AEBP2: variants seen among roughly 807,000 people sequenced by gnomAD.
AEBP2 encodes AE binding protein 2, also known as zinc finger protein AEBP2.
In AEBP2, 10 loss-of-function variants were observed where a neutral mutation model predicts 50.8. The observed-to-expected ratio is 0.20, with a 90% CI of 0.12 to 0.33. AEBP2 has a LOEUF of 0.33. Ranked by LOEUF, AEBP2 falls within the 10% of genes least tolerant of loss-of-function variation. The pLI, the probability that AEBP2 is intolerant of heterozygous loss-of-function variation, is 1.00. For missense variants in AEBP2, 570 were observed against 688.0 expected, an observed-to-expected ratio of 0.83 and a Z score of 1.92; for synonymous variants, 296 against 261.3, an observed-to-expected ratio of 1.13 and a Z score of -1.28.
intron 4 of AEBP2, among the ~76,000 whole-genome samples, chr12:19,497,337 T>TTTTTTTG: frequency 7.1e-6 from 1 of 141,784 alleles, no homozygotes; most frequent in South Asian, 2.3e-4. Context: ...TGTTTTTTTT[T>TTTTTTTG]TTTTTTTTTT....
intron 1 of AEBP2, among the ~76,000 whole-genome samples, chr12:19,452,951 G>A (rs1220823354): frequency 2.1e-5 from 3 of 146,022 alleles, no homozygotes; most frequent in African/African-American, 7.5e-5. Flanking sequence ...AACTATTATA[G>A]ACTTACGTTC....
chr12:19,460,768 C>T (rs1948361581), intron 1 of AEBP2, among the ~76,000 whole-genome samples: 1 of 151,006 alleles, frequency 6.6e-6, no homozygotes, highest in Admixed American at 6.6e-5. Flanking sequence ...CATTCTCCTG[C>T]CTCAGTCTCC....
At chr12:19,501,055 C>G (rs1365135026) in intron 5 of AEBP2, among the ~76,000 whole-genome samples, 1 of 152,114 alleles carries the variant, frequency 6.6e-6, no homozygotes, top group Non-Finnish European at 1.5e-5. Context: ...ACAGGCCGGG[C>G]GTGGTGGCTC....
chr12:19,440,683 G>C, intron 1 of AEBP2: 1 of 1,533,194 alleles, frequency 6.5e-7, no homozygotes, highest in Non-Finnish European at 8.7e-7. Context: ...CAGATCCTCT[G>C]GCGGAGCAGA....
chr12:19,461,097 C>T (rs777355748), intron 1 of AEBP2, among the ~76,000 whole-genome samples: 1 of 152,076 alleles, frequency 6.6e-6, no homozygotes, highest in Non-Finnish European at 1.5e-5. Flanking sequence ...TATTTTGTGT[C>T]TTTGAACTTT....
intron 6 of AEBP2, among the ~76,000 whole-genome samples, chr12:19,512,873 G>A (rs1310443001): frequency 3.3e-5 from 5 of 152,010 alleles, no homozygotes; most frequent in African/African-American, 4.8e-5. Flanking sequence ...ACTTGAACCC[G>A]GGAGGCAAAG....
In AEBP2 at chr12:19,465,797, T is replaced by C. The variant is rs561014044; in HGVS notation, c.879+3080T>C. Among the ~76,000 whole-genome samples, 103 of 149,200 alleles carry C rather than the reference T, an allele frequency of 6.9e-4. No homozygotes were observed. In the South Asian group the frequency reaches 0.015, roughly 22 times the overall value. ...GCTTTTGTGATTGTTTTTTCTTTTT[T>C]TTTTTTTTTTTTGAGATGGAGTGTT... On this transcript the variant is annotated intron_variant, in intron 2 of 7. Transcript: ENST00000266508.
At chr12:19,442,181 G>A (rs1947974080) in intron 1 of AEBP2, among the ~76,000 whole-genome samples, 1 of 152,162 alleles carries the variant, frequency 6.6e-6, no homozygotes. Flanking sequence ...GGCCGAGGTG[G>A]GCGGATCACC....
At chr12:19,457,879 T>C (rs1698005901) in intron 1 of AEBP2, among the ~76,000 whole-genome samples, 1 of 152,208 alleles carries the variant, frequency 6.6e-6, no homozygotes, top group South Asian at 2.1e-4. Context: ...TTGATTTGTA[T>C]ACACATGAAA....
At chr12:19,422,994 G>A (rs2095746589) in intron 1 of AEBP2, among the ~76,000 whole-genome samples, 1 of 135,906 alleles carries the variant, frequency 7.4e-6, no homozygotes, top group Admixed American at 8.3e-5. Flanking sequence ...GAACCCGGAA[G>A]GCAGAGGTTG....
chr12:19,461,661 C>T (rs1343800971), intron 1 of AEBP2, among the ~76,000 whole-genome samples: 1 of 152,042 alleles, frequency 6.6e-6, no homozygotes, highest in Non-Finnish European at 1.5e-5. Context: ...AGGCACCTGC[C>T]ACCACACCCG....
rs1947903036 is a variant in AEBP2 at position 19,439,629 on chromosome 12, G to T, written c.-71G>T. 3 of 1,485,692 alleles carry T rather than the reference G, an allele frequency of 2.0e-6. No homozygotes were observed. Among genetic ancestry groups the T allele is most frequent in the Non-Finnish European group, 2.7e-6 (3 of 1,121,030 alleles). 92.0% of individuals were successfully genotyped at this position (1,485,692 alleles called of 1,614,324 possible). A position where few individuals can be genotyped will look rare whatever the true frequency, so the allele number is the denominator to read the frequency against. ...GGAGTTTTGGGCGTTTGGGAGGGGG[G>T]CGAGGGAGAGAGAGTCGAGAGAGGG... On this transcript the variant is annotated 5_prime_UTR_variant, in exon 1 of 8. Transcript: ENST00000266508.
In AEBP2 at chr12:19,439,913, G is replaced by A; in HGVS notation, c.214G>A (p.Gly72Arg). Residue 72 changes from glycine (G) to arginine (R), a missense_variant, in exon 1 of 8, where the codon GGA (glycine) becomes AGA (arginine). Transcript: ENST00000266508. Reference sequence around the variant, plus strand: ...CGGTGGGGGCGGCGGAGGCGGCGGCGGAGGAGTGGGGGGCGGCGAGGCAGA... The same window carrying A: ...CGGTGGGGGCGGCGGAGGCGGCGGCAGAGGAGTGGGGGGCGGCGAGGCAGA... ...GSGGGGGGGG[G>R]GVGGGEAETM... The A allele has an allele frequency of 6.7e-7, 1 of 1,495,666 alleles. No homozygotes were observed. The highest frequency in any genetic ancestry group is 8.8e-7 in the Non-Finnish European group (1 of 1,130,866). The allele number at this position is 1,495,666 out of a possible 1,614,324, so 92.6% of individuals were successfully genotyped here.
At chr12:19,424,396 C>CTTT (rs529252995) in intron 1 of AEBP2, among the ~76,000 whole-genome samples, 32 of 151,700 alleles carry the variant, frequency 2.1e-4, no homozygotes, top group East Asian at 3.9e-4. Flanking sequence ...GCTAAGATGT[C>CTTT]TTTTTTTCTT....
chr12:19,513,678 G>A (rs1455814894), intron 6 of AEBP2, among the ~76,000 whole-genome samples: 1 of 152,164 alleles, frequency 6.6e-6, no homozygotes, highest in Admixed American at 6.6e-5. Context: ...CGGGAAGATT[G>A]ATTGAGCCCA....
At chr12:19,512,362 C>G in intron 5 of AEBP2, 36 bp from the exon 6 acceptor site, 1 of 1,368,692 alleles carries the variant, frequency 7.3e-7, no homozygotes, top group Non-Finnish European at 1.0e-6. Context: ...ATGTTTTACA[C>G]ATTGTTTTTA....
chr12:19,457,561 T>G, intron 1 of AEBP2: 1 of 1,483,446 alleles, frequency 6.7e-7, no homozygotes, highest in South Asian at 1.3e-5. Context: ...CTACCACATT[T>G]GTAGTTCAGA....
intron 4 of AEBP2, among the ~76,000 whole-genome samples, chr12:19,496,742 G>C (rs1948988220): frequency 6.7e-6 from 1 of 149,764 alleles, no homozygotes; most frequent in East Asian, 2.0e-4. Context: ...ACTCACTGCA[G>C]CCTCGACCTC....
intron 3 of AEBP2, among the ~76,000 whole-genome samples, chr12:19,485,708 C>CAA (rs35033010): frequency 0.58 from 71,720 of 124,272 alleles, 20,594 homozygotes; most frequent in African/African-American, 0.64. Context: ...GACCCTGTCT[C>CAA]AAAAAAAAAA....
Sources: gnomAD v4.1 joint callset for allele counts (sites outside exome capture counted in the v4.1 genomes callset) on GRCh38, gnomAD v4.1.1 for gene constraint, MANE v1.5 for transcripts, NCBI Gene and HGNC (gene_info 2026-07-23, HGNC 2026-07-21) for gene names.